Variants in KIF26B observed in about 807,000 individuals in gnomAD.
The protein encoded by KIF26B is kinesin-like protein KIF26B.
A neutral mutation model predicts 151.2 loss-of-function variants in KIF26B; 63 were observed. The ratio of observed to expected loss-of-function variants is 0.42; its 90% confidence interval spans 0.34 to 0.51. The LOEUF (loss-of-function observed/expected upper bound fraction) is 0.51. Among genes scored for constraint, KIF26B ranks in the 20% least tolerant of loss-of-function variants. The pLI, the probability that KIF26B is intolerant of heterozygous loss-of-function variation, is 0.07. For synonymous variants in KIF26B, 1,357 were observed against 1,262.1 expected (o/e 1.08, Z -1.59); for missense variants, 2,813 against 2,913.6 (o/e 0.97, Z 0.79).
At chr1:245,558,696 T>G (rs545161624) in intron 5 of KIF26B, among the ~76,000 whole-genome samples, 1 of 152,350 alleles carries the variant, frequency 6.6e-6, no homozygotes, top group African/African-American at 2.4e-5. Flanking sequence ...CTGCCCTCTC[T>G]GAATGTTCAC....
At chr1:245,371,489 C>T (rs569106638) in intron 3 of KIF26B, 1 of 152,248 alleles carries the variant, frequency 6.6e-6, no homozygotes, top group South Asian at 2.1e-4. Flanking sequence ...CTTGTCACTA[C>T]CAAGGGTGCG....
rs1005424005 is a variant in KIF26B at position 245,592,055 on chromosome 1, G to A, written c.1351-10522G>A. On this transcript the variant is annotated intron_variant, in intron 5 of 14. Transcript: ENST00000407071. ...TCCTTCCCCCTCCGCTCCCCGAAGC[G>A]CTTCTTAGAGCACATCTCATTACCG... Among the ~76,000 whole-genome samples the A allele has an allele frequency of 1.3e-5, 2 of 152,150 alleles. 1 individual carries two copies. The highest frequency in any genetic ancestry group is 2.9e-5 in the Non-Finnish European group (2 of 68,018).
At chr1:245,184,050 G>GTTTTTTGTTTTTTTTTT (rs1553332272) in intron 2 of KIF26B, among the ~76,000 whole-genome samples, 45 of 19,804 alleles carry the variant, frequency 2.3e-3, no homozygotes, top group African/African-American at 2.4e-3. Flanking sequence ...GGGAGTTGTT[G>GTTTTTTGTTTTTTTTTT]TTTTTTTTTT....
intron 2 of KIF26B, among the ~76,000 whole-genome samples, chr1:245,165,348 G>T (rs73125018): frequency 1.3e-5 from 2 of 152,218 alleles, no homozygotes; most frequent in Non-Finnish European, 2.9e-5. Flanking sequence ...GGGTGGTGCT[G>T]CCAGTTATGG....
intron 3 of KIF26B, among the ~76,000 whole-genome samples, chr1:245,402,664 C>A (rs1674035419): frequency 6.6e-6 from 1 of 152,018 alleles, no homozygotes; most frequent in Admixed American, 6.6e-5. Context: ...GCTGAATGAG[C>A]CTGAAATATA....
intron 2 of KIF26B, among the ~76,000 whole-genome samples, chr1:245,337,574 ATG>A (rs1450793441): frequency 6.7e-6 from 1 of 150,000 alleles, no homozygotes; most frequent in East Asian, 1.9e-4. Flanking sequence ...GTATGAGTAT[ATG>A]TGTTTTGGTT....
chr1:245,250,715 T>C (rs1573733656), intron 2 of KIF26B, among the ~76,000 whole-genome samples: 1 of 152,222 alleles, frequency 6.6e-6, no homozygotes. Context: ...CCATGGGAGT[T>C]TTCTCTTTTA....
At chr1:245,363,156 T>G (rs1003277897) in intron 2 of KIF26B, among the ~76,000 whole-genome samples, 1 of 152,176 alleles carries the variant, frequency 6.6e-6, no homozygotes, top group Non-Finnish European at 1.5e-5. Context: ...CAGGAAAGCA[T>G]GGTATAATTC....
chr1:245,369,103 A>T (rs1460851854), intron 3 of KIF26B, among the ~76,000 whole-genome samples: 1 of 151,930 alleles, frequency 6.6e-6, no homozygotes, highest in Non-Finnish European at 1.5e-5. Flanking sequence ...GCACCACTGC[A>T]CTCCAGCAGC....
intron 2 of KIF26B, among the ~76,000 whole-genome samples, chr1:245,344,972 CTG>C (rs1033787315): frequency 6.6e-6 from 1 of 152,158 alleles, no homozygotes; most frequent in Middle Eastern, 3.2e-3. Context: ...CGCGTACACA[CTG>C]TAGCTAATTC....
At chr1:245,585,244 A>G (rs1333525151) in intron 5 of KIF26B, among the ~76,000 whole-genome samples, 1 of 152,246 alleles carries the variant, frequency 6.6e-6, no homozygotes, top group East Asian at 1.9e-4. Flanking sequence ...CGTTCTTGGT[A>G]AGAAAATAAG....
At chr1:245,266,833 C>G (rs907185943) in intron 2 of KIF26B, among the ~76,000 whole-genome samples, 1 of 152,148 alleles carries the variant, frequency 6.6e-6, no homozygotes, top group Non-Finnish European at 1.5e-5. Context: ...TTGTGTGCCC[C>G]TGAGCCTATG....
At chr1:245,666,676 C>T (rs930242796) in intron 10 of KIF26B, among the ~76,000 whole-genome samples, 12 of 152,096 alleles carry the variant, frequency 7.9e-5, no homozygotes, top group South Asian at 6.2e-4. Context: ...GCAGAGATGA[C>T]GCTTGTGGCC....
At chr1:245,437,190 G>T (rs1287352696) in intron 4 of KIF26B, among the ~76,000 whole-genome samples, 2 of 151,976 alleles carry the variant, frequency 1.3e-5, no homozygotes, top group Non-Finnish European at 2.9e-5. Context: ...CCTGGCCCCT[G>T]GAACTTATTT....
intron 5 of KIF26B, among the ~76,000 whole-genome samples, chr1:245,562,001 A>C (rs1312446625): frequency 1.3e-5 from 2 of 152,264 alleles, no homozygotes; most frequent in Admixed American, 1.3e-4. Flanking sequence ...GGTTTCTCCC[A>C]GGGCCGTTGC....
intron 2 of KIF26B, among the ~76,000 whole-genome samples, chr1:245,349,877 C>T (rs1349355863): frequency 6.6e-6 from 1 of 152,122 alleles, no homozygotes; most frequent in Admixed American, 6.5e-5. Context: ...CACAATTCTG[C>T]AGTCCTTTGA....
At chr1:245,508,922 T>A (rs1276106490) in intron 4 of KIF26B, among the ~76,000 whole-genome samples, 1 of 152,236 alleles carries the variant, frequency 6.6e-6, no homozygotes, top group African/African-American at 2.4e-5. Context: ...TTCCACTAAG[T>A]CATAACTCTC....
At chr1:245,603,547 T>C (rs1359187502) in intron 6 of KIF26B, among the ~76,000 whole-genome samples, 6 of 152,128 alleles carry the variant, frequency 3.9e-5, no homozygotes. Flanking sequence ...TCATCCTATA[T>C]CACACCATAG....
At chr1:245,272,408 AAAAC>A (rs950346600) in intron 2 of KIF26B, among the ~76,000 whole-genome samples, 9 of 152,166 alleles carry the variant, frequency 5.9e-5, no homozygotes, top group African/African-American at 1.7e-4. Flanking sequence ...ATCTCTTTAA[AAAAC>A]AAACAAACAA....
Sources: gnomAD v4.1 joint callset for allele counts (sites outside exome capture counted in the v4.1 genomes callset) on GRCh38, gnomAD v4.1.1 for gene constraint, MANE v1.5 for transcripts, NCBI Gene and HGNC (gene_info 2026-07-23, HGNC 2026-07-21) for gene names.